COL5A2: variants seen among roughly 807,000 people sequenced by gnomAD.
The protein encoded by COL5A2 is collagen type V alpha 2 chain, also known as collagen alpha-2(V) chain.
COL5A2 carries 23 observed loss-of-function variants against 208.2 expected under a neutral mutation model. The observed-to-expected ratio is 0.11, with a 90% confidence interval of 0.08 to 0.16. The LOEUF (loss-of-function observed/expected upper bound fraction) is 0.16. Among genes scored for constraint, COL5A2 ranks in the 10% least tolerant of loss-of-function variants. The probability of loss-of-function intolerance (pLI) is 1.00; values close to 1 mark genes in which losing one functional copy is unlikely to be tolerated. For missense variants in COL5A2, 1,590 were observed against 1,956.4 expected (o/e 0.81, Z 3.53); for synonymous variants, 625 against 628.5 (o/e 0.99, Z 0.08).
the COL5A2 span, among the ~76,000 whole-genome samples, chr2:189,239,303 AC>A: frequency 3.9e-5 from 6 of 152,158 alleles, no homozygotes; most frequent in Admixed American, 2.0e-4. Context: ...ATTCCCAGGA[AC>A]CTGTTACCTT....
the COL5A2 span, among the ~76,000 whole-genome samples, chr2:189,308,630 T>C: frequency 6.6e-6 from 1 of 152,124 alleles, no homozygotes; most frequent in Non-Finnish European, 1.5e-5. Context: ...ATCTGCATGA[T>C]AAAACCTTGG....
At chr2:189,202,428 GAA>G (rs1031843634) in intron 1 of COL5A2, among the ~76,000 whole-genome samples, 10 of 152,120 alleles carry the variant, frequency 6.6e-5, no homozygotes, top group Non-Finnish European at 1.3e-4. Flanking sequence ...TGGAATGAAT[GAA>G]AGAGAGGTGA....
At chr2:189,182,297 G>A (rs16831183), upstream of COL5A2, among the ~76,000 whole-genome samples, 606 of 152,218 alleles carry the variant, frequency 4.0e-3, 29 homozygotes, top group East Asian at 0.09. Flanking sequence ...GTGCTAGTGG[G>A]TGAATATTTT....
At chr2:189,356,685 C>T in the COL5A2 span, among the ~76,000 whole-genome samples, 1 of 152,162 alleles carries the variant, frequency 6.6e-6, no homozygotes, top group Non-Finnish European at 1.5e-5. Context: ...GAACATGCTC[C>T]TTTAACTCGG....
At chr2:189,224,646 G>A (rs1410033286) in intron 1 of COL5A2, among the ~76,000 whole-genome samples, 1 of 151,968 alleles carries the variant, frequency 6.6e-6, no homozygotes, top group East Asian at 1.9e-4. Flanking sequence ...CTGAGAACAT[G>A]CCACTGCACT....
At chr2:189,311,840 G>T in the COL5A2 span, 1 of 1,285,948 alleles carries the variant, frequency 7.8e-7, no homozygotes, top group Non-Finnish European at 1.1e-6. Flanking sequence ...TACCTCCACG[G>T]TCAAGCCAGA....
chr2:189,098,364 T>C (rs2105686017), intron 5 of COL5A2, among the ~76,000 whole-genome samples: 1 of 152,354 alleles, frequency 6.6e-6, no homozygotes, highest in East Asian at 1.9e-4. Flanking sequence ...ATATATAATT[T>C]TATTAAGCAG....
At chr2:189,369,887 T>G in the COL5A2 span, among the ~76,000 whole-genome samples, 1 of 152,196 alleles carries the variant, frequency 6.6e-6, no homozygotes, top group Non-Finnish European at 1.5e-5. Flanking sequence ...CACTCAATTC[T>G]TCCTCATGTA....
At chr2:189,085,922 A>C in intron 9 of COL5A2, 150 bp from the exon 10 acceptor site, 1 of 650,882 alleles carries the variant, frequency 1.5e-6, no homozygotes, top group South Asian at 1.7e-5. Flanking sequence ...ATCTGTCTGT[A>C]ACTGTTTCCT....
intron 1 of COL5A2, among the ~76,000 whole-genome samples, chr2:189,185,322 C>A (rs1240327728): frequency 3.3e-5 from 5 of 152,152 alleles, no homozygotes; most frequent in Admixed American, 3.3e-4. Context: ...GTGTGCCCGA[C>A]CCTAATATGC....
intron 52 of COL5A2, among the ~76,000 whole-genome samples, chr2:189,036,345 A>C (rs1037164460): frequency 2.0e-5 from 3 of 152,152 alleles, no homozygotes; most frequent in African/African-American, 7.2e-5. Context: ...CATGTCACAT[A>C]CATTAGAGGA....
chr2:189,034,974 T>C lies in COL5A2; in HGVS notation c.4295A>G (p.Asp1432Gly), dbSNP rs141777954. ...TCTAATATTTCCCTCTGCTTTGATA[T>C]CTAAGTCATTTGCCCCTTTGAGAAC... ...AVVLKGANDL[D>G]IKAEGNIRFR... Residue 1432 changes from aspartate to glycine, a missense_variant, in exon 53 of 54, where the codon GAT (aspartate) becomes GGT (glycine). Asp to Gly is a moderately conservative substitution (Grantham distance 94, BLOSUM62 -1). Coordinates refer to ENST00000374866, the MANE Select transcript of COL5A2 (RefSeq NM_000393.5). 12 of 1,613,842 alleles carry C rather than the reference T, an allele frequency of 7.4e-6. No individual in the cohort carries two copies. Among genetic ancestry groups the C allele is most frequent in the Admixed American group, 1.7e-5 (1 of 59,990 alleles).
At chr2:189,395,651 C>T in the COL5A2 span, among the ~76,000 whole-genome samples, 26 of 152,050 alleles carry the variant, frequency 1.7e-4, no homozygotes, top group Admixed American at 4.6e-4. Context: ...CACCTGTAAT[C>T]CTACTATTTT....
rs572360678 is a variant in COL5A2 at position 189,064,477 on chromosome 2, A to G, written c.1716+80T>C. ...AAACTGTAAAAACAAACTAAATTTAAAAACAAACAAAAACCCGACCAATGC... is the reference window on the plus strand; with the variant it reads ...AAACTGTAAAAACAAACTAAATTTAGAAACAAACAAAAACCCGACCAATGC... On this transcript the variant is annotated intron_variant, in intron 25 of 53. Transcript: ENST00000374866. 43 of 996,238 alleles carry G rather than the reference A, an allele frequency of 4.3e-5. No individual in the cohort carries two copies. In the East Asian group the frequency reaches 1.0e-3, roughly 24 times the overall value. The allele number at this position is 996,238 out of a possible 1,614,324, so 61.7% of individuals were successfully genotyped here. A position where few individuals can be genotyped will look rare whatever the true frequency, so the allele number is the denominator to read the frequency against.
At chr2:189,166,680 C>T (rs570791452) in intron 1 of COL5A2, among the ~76,000 whole-genome samples, 2 of 152,292 alleles carry the variant, frequency 1.3e-5, no homozygotes, top group South Asian at 4.1e-4. Flanking sequence ...GAATTTTATT[C>T]GTCTGTAGTG....
intron 1 of COL5A2, among the ~76,000 whole-genome samples, chr2:189,148,943 C>A (rs1688092816): frequency 6.6e-6 from 1 of 152,088 alleles, no homozygotes; most frequent in African/African-American, 2.4e-5. Context: ...AGTTGGAGAC[C>A]AGCTTGACCA....
chr2:189,370,493 T>C, the COL5A2 span, among the ~76,000 whole-genome samples: 1 of 152,042 alleles, frequency 6.6e-6, no homozygotes, highest in Non-Finnish European at 1.5e-5. Context: ...TTTCAACAAG[T>C]CATTTTCAGA....
At chr2:189,064,135 T>C (rs1686094268) in intron 25 of COL5A2, 102 bp from the exon 26 acceptor site, 8 of 890,694 alleles carry the variant, frequency 9.0e-6, no homozygotes, top group South Asian at 4.4e-5. Flanking sequence ...CTGAATAGAA[T>C]GACATTTCTG....
the COL5A2 span, among the ~76,000 whole-genome samples, chr2:189,276,315 G>A: frequency 6.6e-6 from 1 of 152,102 alleles, no homozygotes; most frequent in Non-Finnish European, 1.5e-5. Flanking sequence ...GATTGTGTTA[G>A]GGCTTTTATT....
Sources: allele counts gnomAD v4.1 joint callset (sites outside exome capture counted in the v4.1 genomes callset), GRCh38; gene constraint gnomAD v4.1.1; transcripts MANE v1.5; gene names NCBI Gene and HGNC (gene_info 2026-07-23, HGNC 2026-07-21).